Variants in ZWILCH observed in about 807,000 individuals in gnomAD.
The protein encoded by ZWILCH is protein zwilch homolog.
A neutral mutation model predicts 79.9 loss-of-function variants in ZWILCH; 74 were observed. The ratio of observed to expected loss-of-function variants is 0.93; its 90% CI spans 0.77 to 1.12. The LOEUF is 1.12. ZWILCH is among the 50% of genes most tolerant of loss of function. The probability of loss-of-function intolerance (pLI) is 0.00; values close to 1 mark genes in which losing one functional copy is unlikely to be tolerated. For missense variants in ZWILCH, 694 were observed against 687.5 expected, an observed-to-expected ratio of 1.01 and a Z score of -0.11; for synonymous variants, 241 against 228.2, an observed-to-expected ratio of 1.06 and a Z score of -0.51.
At chr15:66,525,246 A>C (rs1353568296) in intron 8 of ZWILCH, among the ~76,000 whole-genome samples, 2 of 152,176 alleles carry the variant, frequency 1.3e-5, no homozygotes, top group Non-Finnish European at 2.9e-5. Flanking sequence ...GCTGTGTGCC[A>C]CCCATGGTGC....
At chr15:66,525,039 G>A (rs1293642632) in intron 8 of ZWILCH, among the ~76,000 whole-genome samples, 1 of 152,144 alleles carries the variant, frequency 6.6e-6, no homozygotes, top group African/African-American at 2.4e-5. Context: ...CTTGGGTAGA[G>A]TGCTATTGCT....
chr15:66,505,532 G>A, intron 1 of ZWILCH, 141 bp downstream of exon 1: 1 of 962,114 alleles, frequency 1.0e-6, no homozygotes, highest in Non-Finnish European at 1.6e-6. Context: ...TTGGGGAGAG[G>A]CCGGTTCTCG....
chr15:66,535,285 A>G (rs1263955750), intron 14 of ZWILCH, among the ~76,000 whole-genome samples: 2 of 152,208 alleles, frequency 1.3e-5, no homozygotes, highest in East Asian at 3.8e-4. Flanking sequence ...TGTTCATACC[A>G]ATATCACAGC....
intron 12 of ZWILCH, 39 bp from the exon 13 acceptor site, chr15:66,532,208 T>A: frequency 6.8e-7 from 1 of 1,479,624 alleles, no homozygotes; most frequent in East Asian, 2.4e-5. Context: ...TTTATTTATA[T>A]ATTTATTCAT....
At position 66,549,330 on chromosome 15, in the gene ZWILCH, G is replaced by A. The variant is rs918048786; in HGVS notation, c.*1006G>A. 1 of 152,122 alleles carries A rather than the reference G, an allele frequency of 6.6e-6. No individual in the cohort carries two copies. Among genetic ancestry groups the A allele is most frequent in the African/African-American group, 2.4e-5 (1 of 41,422 alleles). 9.4% of individuals were successfully genotyped at this position (152,122 alleles called of 1,614,324 possible). A position where few individuals can be genotyped will look rare whatever the true frequency, so the allele number is the denominator to read the frequency against. ...TTAAATTTGTTGAGGGGGATTGCAT[G>A]TTGCTTTATTGGCCTGTAAAAATAG... is the stretch of plus-strand genomic sequence containing the variant. On this transcript the variant is annotated 3_prime_UTR_variant, in exon 19 of 19. Coordinates refer to ENST00000307897, the MANE Select transcript of ZWILCH (RefSeq NM_017975.5).
At position 66,546,597 on chromosome 15, in the gene ZWILCH, C is replaced by A; in HGVS notation, c.1694C>A (p.Ser565Ter). 1 of 1,600,898 alleles carries A rather than the reference C, an allele frequency of 6.2e-7. No individual in the cohort carries two copies. Among genetic ancestry groups the A allele is most frequent in the South Asian group, 1.1e-5 (1 of 88,706 alleles). ...DHLNFHKPDFSELTLNGSLEE... is the reference protein window; with the variant it reads ...DHLNFHKPDF ...ACTCTCTTTTTGATTACAGATTTTT[C>A]GGAATTAACACTAAACGGTAGCCTG... is the stretch of plus-strand genomic sequence containing the variant. Residue 565 changes from serine to a stop codon, truncating the protein, a stop_gained, in exon 18 of 19, where the codon TCG becomes TAG. Coordinates refer to ENST00000307897, the MANE Select transcript of ZWILCH (RefSeq NM_017975.5). LOFTEE classifies it high-confidence loss of function.
intron 5 of ZWILCH, 23 bp downstream of exon 5, chr15:66,519,101 G>A (rs773947793): frequency 6.3e-7 from 1 of 1,598,656 alleles, no homozygotes; most frequent in Admixed American, 1.7e-5. Flanking sequence ...TCTAGAGAGT[G>A]TGTGTGTGTA....
intron 15 of ZWILCH, 149 bp downstream of exon 15, chr15:66,536,218 T>A: frequency 3.3e-6 from 2 of 597,156 alleles, no homozygotes; most frequent in Non-Finnish European, 5.2e-6. Context: ...GTCAGTGCCA[T>A]AGGCAGGAAA....
chr15:66,548,444 G>T lies in ZWILCH; in HGVS notation c.*120G>T. 9.9e-7 allele frequency: 1 copy of T among 1,014,452 alleles called. No individual in the cohort carries two copies. The highest frequency in any genetic ancestry group is 1.5e-6 in the Non-Finnish European group (1 of 656,638). 62.8% of individuals were successfully genotyped at this position (1,014,452 alleles called of 1,614,324 possible). On this transcript the variant is annotated 3_prime_UTR_variant, in exon 19 of 19. Coordinates refer to ENST00000307897, the MANE Select transcript of ZWILCH (RefSeq NM_017975.5). The stretch of plus-strand genomic sequence containing the variant: ...ACCCTCAAAGCAGAAAAGGGAGGAA[G>T]ATCCTGAAGATTCTCTTATGAAGCT...
intron 9 of ZWILCH, 93 bp downstream of exon 9, chr15:66,527,476 A>G (rs1280690169): frequency 1.9e-6 from 2 of 1,045,440 alleles, no homozygotes; most frequent in Non-Finnish European, 2.9e-6. Flanking sequence ...TGATTGGAAT[A>G]TATACAAAGC....
intron 18 of ZWILCH, chr15:66,547,247 G>A (rs1478149463): frequency 6.9e-6 from 1 of 143,966 alleles, no homozygotes; most frequent in African/African-American, 2.6e-5. Context: ...ACCCAGGCTG[G>A]AGTGCAGTGG....
At chr15:66,511,480 G>A (rs1239790015) in intron 2 of ZWILCH, among the ~76,000 whole-genome samples, 2 of 141,548 alleles carry the variant, frequency 1.4e-5, no homozygotes, top group Non-Finnish European at 3.0e-5. Context: ...GTGACAGAGC[G>A]AGAGCCTGTC....
At chr15:66,540,404 T>C (rs1895156892) in intron 17 of ZWILCH, among the ~76,000 whole-genome samples, 194 bp downstream of exon 17, 1 of 151,784 alleles carries the variant, frequency 6.6e-6, no homozygotes, top group Non-Finnish European at 1.5e-5. Context: ...ATACAAAAAA[T>C]TAGCCGGGCA....
Position 66,528,966 on chromosome 15 carries a change from C to A in ZWILCH, c.1075+9C>A. 2 of 1,604,422 alleles carry A rather than the reference C, an allele frequency of 1.2e-6. No homozygotes were observed. The highest frequency in any genetic ancestry group is 1.7e-6 in the Non-Finnish European group (2 of 1,171,550). The stretch of plus-strand genomic sequence containing the variant: ...GTGCAAAATGAGCAGTAGTAGGTGT[C>A]CATCATGATTTAAATTTTTCCTCTT... On this transcript the variant is annotated intron_variant, in intron 11 of 18. Coordinates refer to ENST00000307897, the MANE Select transcript of ZWILCH (RefSeq NM_017975.5).
chr15:66,521,925 C>T (rs1894508456), intron 7 of ZWILCH, among the ~76,000 whole-genome samples: 2 of 152,108 alleles, frequency 1.3e-5, no homozygotes, highest in Admixed American at 1.3e-4. Context: ...ATTGGCTGGG[C>T]GCAGTGGCTC....
intron 11 of ZWILCH, 134 bp from the exon 12 acceptor site, chr15:66,529,349 TTGCCACTTTAA>T: frequency 3.6e-6 from 2 of 549,432 alleles, no homozygotes; most frequent in Non-Finnish European, 3.2e-6. Flanking sequence ...TTTTTTTTTT[TTGCCACTTTAA>T]TTTCTTTCCC....
chr15:66,533,579 C>A (rs1894918047), intron 14 of ZWILCH, among the ~76,000 whole-genome samples: 1 of 152,018 alleles, frequency 6.6e-6, no homozygotes, highest in African/African-American at 2.4e-5. Flanking sequence ...TATGAAAATA[C>A]AAGATAGAAA....
At chr15:66,533,916 G>C (rs1894931288) in intron 14 of ZWILCH, among the ~76,000 whole-genome samples, 1 of 152,048 alleles carries the variant, frequency 6.6e-6, no homozygotes, top group Non-Finnish European at 1.5e-5. Context: ...AGATCAGCCT[G>C]GGCAACATAG....
intron 2 of ZWILCH, 42 bp downstream of exon 2, chr15:66,508,934 A>C: frequency 6.2e-7 from 1 of 1,602,302 alleles, no homozygotes; most frequent in South Asian, 1.1e-5. Context: ...TAATCCTAAA[A>C]TTGTCTGTTT....
Sources: allele counts gnomAD v4.1 joint callset (sites outside exome capture counted in the v4.1 genomes callset), GRCh38; gene constraint gnomAD v4.1.1; transcripts MANE v1.5; gene names NCBI Gene and HGNC (gene_info 2026-07-23, HGNC 2026-07-21).